Variants in PTDSS2 observed in about 807,000 individuals in gnomAD.
PTDSS2 encodes phosphatidylserine synthase 2.
PTDSS2 carries 41 observed loss-of-function variants against 64.7 expected under a neutral mutation model. The observed-to-expected ratio is 0.63, with a 90% CI of 0.49 to 0.82. PTDSS2 has a LOEUF of 0.82. PTDSS2 is among the 40% of genes least tolerant of loss of function. The pLI, the probability that PTDSS2 is intolerant of heterozygous loss-of-function variation, is 0.00. For synonymous variants in PTDSS2, 297 were observed against 277.8 expected, an observed-to-expected ratio of 1.07 and a Z score of -0.69; for missense variants, 485 against 650.0, an observed-to-expected ratio of 0.75 and a Z score of 2.76.
chr11:468,893 T>G (rs1590637559), intron 2 of PTDSS2, among the ~76,000 whole-genome samples: 5 of 120,042 alleles, frequency 4.2e-5, no homozygotes, highest in South Asian at 2.8e-4. Context: ...AGGAGGGGAG[T>G]CTCTGGGTAA....
chr11:481,010 G>C (rs771959508), intron 4 of PTDSS2, among the ~76,000 whole-genome samples: 1 of 151,890 alleles, frequency 6.6e-6, no homozygotes. Context: ...CCTGAACCCG[G>C]GAGGCAGAGC....
At chr11:472,066 G>T (rs1210872535) in intron 2 of PTDSS2, among the ~76,000 whole-genome samples, 1 of 149,500 alleles carries the variant, frequency 6.7e-6, no homozygotes, top group East Asian at 2.0e-4. Flanking sequence ...CTGGGGTAAC[G>T]CGGATGGCGG....
chr11:457,568 C>T (rs908022775), intron 1 of PTDSS2, among the ~76,000 whole-genome samples: 11 of 152,202 alleles, frequency 7.2e-5, no homozygotes, highest in Non-Finnish European at 2.9e-5. Flanking sequence ...ACGTTGAGGT[C>T]GTTGCCAGCA....
In PTDSS2 at chr11:490,771, CGTGTGTACGTGTGTATGCGT is replaced by C; in HGVS notation, c.*199_*218del. The C allele has an allele frequency of 1.7e-6, 1 of 597,010 alleles. No homozygotes were observed. Among genetic ancestry groups the C allele is most frequent in the Non-Finnish European group, 2.9e-6 (1 of 341,058 alleles). 37.0% of individuals were successfully genotyped at this position (597,010 alleles called of 1,614,324 possible). ...GCACAGCCTCATCTCCATGTGTACA[CGTGTGTACGTGTGTATGCGT>C]GTGTGTACGCGTGTGTACGCGCGTG... On this transcript the variant is annotated 3_prime_UTR_variant, in exon 12 of 12. Transcript: ENST00000308020.
rs1336759253 is a variant in PTDSS2, at chr11:460,375, G to C, written c.284+87G>C. The C allele has an allele frequency of 1.5e-5, 16 of 1,103,004 alleles. No homozygotes were observed. Among genetic ancestry groups the C allele is most frequent in the Non-Finnish European group, 2.2e-5 (16 of 736,688 alleles). The allele number at this position is 1,103,004 out of a possible 1,614,324, so 68.3% of individuals were successfully genotyped here. ...ACCCTTACTGCTCGGGCTGCCGGGG[G>C]CTCAGAAGGCCTTCACCAGAGGGCT... On this transcript the variant is annotated intron_variant, in intron 2 of 11. Transcript: ENST00000308020. This position sits in a 1 kb window ranked among gnomAD's most constrained non-coding sequence, Gnocchi z 5.8.
Position 479,136 on chromosome 11 carries a change from TC to T in PTDSS2, c.420del (p.Phe141LeufsTer14), listed in dbSNP as rs1847948000. The T allele has an allele frequency of 6.2e-7, 1 of 1,613,878 alleles. No homozygotes were observed. Among genetic ancestry groups the T allele is most frequent in the Non-Finnish European group, 8.5e-7 (1 of 1,179,836 alleles). Reference sequence around the variant, plus strand: ...AGTGTGGTCTACGAGCTGTTTCTCATCTTTATACTCTTCCAGGTAAGCTGTT... The same window carrying T: ...AGTGTGGTCTACGAGCTGTTTCTCATTTTATACTCTTCCAGGTAAGCTGTT... ...CVSVVYELFL[I>X]FILFQTVQDG... On this transcript the variant is annotated frameshift_variant, in exon 4 of 12. Transcript: ENST00000308020. LOFTEE classifies it high-confidence loss of function. This position sits in a 1 kb window ranked among gnomAD's most constrained non-coding sequence, Gnocchi z 4.2.
rs1396392642 is a variant in PTDSS2 at position 450,605 on chromosome 11, G to C, written c.150G>C (p.Glu50Asp). Residue 50 changes from glutamate to aspartate, a missense_variant, in exon 1 of 12, where the codon GAG (glutamate) becomes GAC (aspartate). By Grantham distance (45) the Glu-to-Asp change is conservative. Around this residue, in one of 3 missense-constraint regions of PTDSS2, gnomAD observed 251 missense variants for 348.0 expected, o/e 0.72. Coordinates refer to ENST00000308020, the MANE Select transcript of PTDSS2 (RefSeq NM_030783.3). ...AGGGCCGCCGCAGCACCGAGTCCGA[G>C]GTCTACGACGACGGCACCAACACCT... is the stretch of plus-strand genomic sequence containing the variant. The part of the protein sequence containing the change: ...PGEGRRSTES[E>D]VYDDGTNTFF... The C allele has an allele frequency of 8.0e-6, 10 of 1,243,636 alleles. No individual in the cohort carries two copies. 77.0% of individuals were successfully genotyped at this position (1,243,636 alleles called of 1,614,324 possible).
intron 4 of PTDSS2, among the ~76,000 whole-genome samples, chr11:484,597 C>T (rs778463940): frequency 2.7e-5 from 4 of 147,850 alleles, no homozygotes; most frequent in Non-Finnish European, 6.0e-5. Context: ...AGTGCATGGG[C>T]GTGTGTGCTC....
At chr11:474,474 G>A (rs1179813364) in intron 3 of PTDSS2, among the ~76,000 whole-genome samples, 1 of 151,588 alleles carries the variant, frequency 6.6e-6, no homozygotes, top group African/African-American at 2.4e-5. Context: ...GCCATGGGCG[G>A]GTGGGTGAGG....
At chr11:482,867 G>A (rs573189091) in intron 4 of PTDSS2, among the ~76,000 whole-genome samples, 4 of 137,504 alleles carry the variant, frequency 2.9e-5, no homozygotes, top group Admixed American at 7.1e-5. Flanking sequence ...TGAGTTTTTC[G>A]TAGATCTCCC....
At chr11:466,587 T>C (rs1847151890) in intron 2 of PTDSS2, among the ~76,000 whole-genome samples, 1 of 152,006 alleles carries the variant, frequency 6.6e-6, no homozygotes, top group East Asian at 1.9e-4. Context: ...TTTGTATTTT[T>C]TAATAGAGAC....
intron 4 of PTDSS2, among the ~76,000 whole-genome samples, chr11:485,682 C>T (rs555558730): frequency 1.7e-4 from 25 of 145,790 alleles, no homozygotes; most frequent in Admixed American, 1.6e-3. Context: ...AAACAGCGCA[C>T]GGGCGCGTGT....
rs1847399753 is a variant in PTDSS2, at chr11:470,991, TA to T, written c.285-2900del. Among the ~76,000 whole-genome samples the T allele has an allele frequency of 6.6e-6, 1 of 152,220 alleles. No homozygotes were observed. Among genetic ancestry groups the T allele is most frequent in the Non-Finnish European group, 1.5e-5 (1 of 68,038 alleles). On this transcript the variant is annotated intron_variant, in intron 2 of 11. Transcript: ENST00000308020. This position sits in a 1 kb window ranked among gnomAD's most constrained non-coding sequence, Gnocchi z 5.3. The stretch of plus-strand genomic sequence containing the variant: ...TAATTCTGTAAATCTAAAACCATTC[TA>T]AAATTAAAAATTTATTTTTAAAATG...
chr11:485,735 G>A (rs1287806568), intron 4 of PTDSS2, among the ~76,000 whole-genome samples: 1 of 146,174 alleles, frequency 6.8e-6, no homozygotes, highest in Non-Finnish European at 1.5e-5. Flanking sequence ...GGGCGCGTGT[G>A]CTCACTGCGC....
rs1847810186 is a variant in PTDSS2 at position 476,501 on chromosome 11, C to A, written c.367+2524C>A. On this transcript the variant is annotated intron_variant, in intron 3 of 11. Transcript: ENST00000308020. This position sits in a 1 kb window ranked among gnomAD's most constrained non-coding sequence, Gnocchi z 4.9. Reference sequence around the variant, plus strand: ...TGGCCGTCCTTGCTTGGAGATGCACCAAATCCCTCCTGGGTGGCGGCATCA... The same window carrying A: ...TGGCCGTCCTTGCTTGGAGATGCACAAAATCCCTCCTGGGTGGCGGCATCA... Among the ~76,000 whole-genome samples, 1 of 152,138 alleles carries A rather than the reference C, an allele frequency of 6.6e-6. No homozygotes were observed. Among genetic ancestry groups the A allele is most frequent in the Non-Finnish European group, 1.5e-5 (1 of 68,028 alleles).
At chr11:487,162 C>T (rs1366237530) in intron 5 of PTDSS2, 89 bp downstream of exon 5, 1 of 1,265,056 alleles carries the variant, frequency 7.9e-7, no homozygotes, top group Non-Finnish European at 1.1e-6. Context: ...CCTCGCACCC[C>T]TCAGCCCACA....
At chr11:488,770 C>T in intron 8 of PTDSS2, 123 bp downstream of exon 8, 1 of 731,962 alleles carries the variant, frequency 1.4e-6, no homozygotes, top group East Asian at 2.6e-5. Flanking sequence ...GAGGGGTGAC[C>T]GTGGGGCTTT....
In PTDSS2 at chr11:476,272, G is replaced by A. The variant is rs374559482; in HGVS notation, c.367+2295G>A. 4.6e-5 allele frequency among the ~76,000 whole-genome samples: 7 copies of A among 152,210 alleles called. No homozygotes were observed. Among genetic ancestry groups the A allele is most frequent in the Admixed American group, 4.6e-4 (7 of 15,274 alleles). ...GGGGTTTGGATTCCTCAGCAGAGCCGTGGAAGGTGCAGTGATGGTGAGAAA... is the reference window on the plus strand; with the variant it reads ...GGGGTTTGGATTCCTCAGCAGAGCCATGGAAGGTGCAGTGATGGTGAGAAA... On this transcript the variant is annotated intron_variant, in intron 3 of 11. Transcript: ENST00000308020. This position sits in a 1 kb window ranked among gnomAD's most constrained non-coding sequence, Gnocchi z 4.9.
At chr11:487,264 G>C in intron 5 of PTDSS2, 156 bp from the exon 6 acceptor site, 1 of 918,512 alleles carries the variant, frequency 1.1e-6, no homozygotes, top group Admixed American at 2.1e-5. Context: ...CTAGGCTGTC[G>C]TGGACGTGGT....
Sources: gnomAD v4.1 joint callset for allele counts (sites outside exome capture counted in the v4.1 genomes callset) on GRCh38, gnomAD v4.1.1 for gene constraint, gnomAD v4.1.1 regional missense constraint, Gnocchi (gnomAD v3.1) non-coding constraint, MANE v1.5 for transcripts, NCBI Gene and HGNC (gene_info 2026-07-23, HGNC 2026-07-21) for gene names.